Variants in SLC30A8 observed in about 807,000 individuals in gnomAD.
SLC30A8 encodes the protein proton-coupled zinc antiporter SLC30A8.
Under a neutral mutation model 36.9 loss-of-function variants are expected in SLC30A8, and 27 were observed. The observed-to-expected ratio is 0.73, with a 90% confidence interval of 0.54 to 1.01. The LOEUF (loss-of-function observed/expected upper bound fraction) is 1.01, where lower values mean the gene tolerates loss of function less well. Ranked by LOEUF, SLC30A8 falls within the 50% of genes least tolerant of loss-of-function variation. The pLI is 0.00. For synonymous variants in SLC30A8, 164 were observed against 172.4 expected (o/e 0.95, Z 0.38); for missense variants, 439 against 452.0 (o/e 0.97, Z 0.26).
At chr8:117,141,714 C>A (rs947540451) in intron 1 of SLC30A8, among the ~76,000 whole-genome samples, 24 of 152,120 alleles carry the variant, frequency 1.6e-4, no homozygotes, top group Non-Finnish European at 3.2e-4. Flanking sequence ...TGAAAACTTT[C>A]CCCTAAAATC....
chr8:117,067,498 A>G (rs1270040101), intron 2 of SLC30A8, among the ~76,000 whole-genome samples: 1 of 152,068 alleles, frequency 6.6e-6, no homozygotes, highest in Non-Finnish European at 1.5e-5. Context: ...CTTCTAATTC[A>G]ACTCTTCAAA....
intron 2 of SLC30A8, among the ~76,000 whole-genome samples, chr8:117,058,962 C>A (rs13258054): frequency 0.13 from 20,161 of 152,168 alleles, 1,452 homozygotes; most frequent in Non-Finnish European, 0.16. Context: ...CTGATCCCTC[C>A]ACCATACCTT....
At chr8:116,974,607 A>G (rs1356836147) in intron 1 of SLC30A8, among the ~76,000 whole-genome samples, 3 of 152,220 alleles carry the variant, frequency 2.0e-5, no homozygotes, top group Non-Finnish European at 4.4e-5. Flanking sequence ...AACTAGTTCA[A>G]CCATTGTGGA....
chr8:117,128,107 C>T (rs1460885990), intron 2 of SLC30A8, among the ~76,000 whole-genome samples: 6 of 152,008 alleles, frequency 3.9e-5, no homozygotes, highest in Non-Finnish European at 8.8e-5. Context: ...GAGCAATTAC[C>T]TGAGTTATCT....
At chr8:117,043,630 T>A (rs935007031) in intron 2 of SLC30A8, among the ~76,000 whole-genome samples, 5 of 152,220 alleles carry the variant, frequency 3.3e-5, no homozygotes. Context: ...CCAGACACTT[T>A]TCCCCCATAG....
chr8:117,049,961 C>T (rs537871388), intron 2 of SLC30A8, among the ~76,000 whole-genome samples: 3 of 152,222 alleles, frequency 2.0e-5, no homozygotes, highest in East Asian at 1.9e-4. Flanking sequence ...TAAAGTGACC[C>T]GGGTATGTGT....
At chr8:117,111,998 G>T (rs1165507735) in intron 2 of SLC30A8, among the ~76,000 whole-genome samples, 1 of 152,076 alleles carries the variant, frequency 6.6e-6, no homozygotes, top group Non-Finnish European at 1.5e-5. Context: ...TAAGAAGAAG[G>T]CTGCAGGGAC....
At chr8:117,168,851 G>T (rs10955804) in intron 6 of SLC30A8, among the ~76,000 whole-genome samples, 3 of 151,872 alleles carry the variant, frequency 2.0e-5, no homozygotes, top group Admixed American at 2.0e-4. Flanking sequence ...GATATCCCTG[G>T]TTCTGCCACT....
chr8:117,060,305 G>A (rs1409933003), intron 2 of SLC30A8, among the ~76,000 whole-genome samples: 1 of 152,078 alleles, frequency 6.6e-6, no homozygotes, highest in East Asian at 1.9e-4. Flanking sequence ...GCAAGCAAGC[G>A]GGTGGGAGCA....
intron 1 of SLC30A8, among the ~76,000 whole-genome samples, chr8:117,017,589 A>C (rs548920163): frequency 1.3e-5 from 2 of 152,124 alleles, no homozygotes; most frequent in South Asian, 4.1e-4. Flanking sequence ...AGGGCCCTGC[A>C]CTTGTGGAAT....
chr8:117,121,409 C>T (rs1164220894), intron 2 of SLC30A8, among the ~76,000 whole-genome samples: 1 of 151,940 alleles, frequency 6.6e-6, no homozygotes, highest in East Asian at 1.9e-4. Flanking sequence ...CTATTTCTCA[C>T]AGTTCTAGAG....
At chr8:117,130,913 C>A (rs73317613), upstream of SLC30A8, among the ~76,000 whole-genome samples, 353 of 152,006 alleles carry the variant, frequency 2.3e-3, 1 homozygote, top group African/African-American at 8.0e-3. Context: ...ATTTCTCCCC[C>A]CAAAAATAAT....
In SLC30A8 at chr8:117,147,420, A is replaced by T. The variant is rs1821948823; in HGVS notation, c.271+267A>T. On this transcript the variant is annotated intron_variant, in intron 2 of 7. Coordinates refer to ENST00000456015, the MANE Select transcript of SLC30A8 (RefSeq NM_173851.3). ...TCATAGCTCACAGGTTTTATTTTTT[A>T]AACATAACTGAGAGCATACTGAATG... The T allele has an allele frequency of 1.8e-5, 7 of 395,018 alleles. No individual in the cohort carries two copies. In the South Asian group the frequency reaches 2.1e-4, roughly 12 times the overall value. The allele number at this position is 395,018 out of a possible 1,614,324, so 24.5% of individuals were successfully genotyped here. A position where few individuals can be genotyped will look rare whatever the true frequency, so the allele number is the denominator to read the frequency against.
intron 2 of SLC30A8, among the ~76,000 whole-genome samples, chr8:117,045,665 C>T (rs1817528158): frequency 6.6e-6 from 1 of 152,172 alleles, no homozygotes; most frequent in African/African-American, 2.4e-5. Flanking sequence ...GGGCTGACTC[C>T]AGGTGACTGC....
At chr8:117,155,752 C>T (rs1046568379) in intron 3 of SLC30A8, among the ~76,000 whole-genome samples, 1 of 152,158 alleles carries the variant, frequency 6.6e-6, no homozygotes, top group Non-Finnish European at 1.5e-5. Context: ...AATCGGGCGT[C>T]AGTGGGGTTG....
At chr8:117,042,211 C>T (rs987669274) in intron 2 of SLC30A8, among the ~76,000 whole-genome samples, 14 of 152,208 alleles carry the variant, frequency 9.2e-5, no homozygotes, top group Admixed American at 2.0e-4. Context: ...TGATGTCACC[C>T]TGATATCAGC....
intron 2 of SLC30A8, 52 bp from the exon 3 acceptor site, chr8:117,152,892 A>G: frequency 7.2e-7 from 1 of 1,392,698 alleles, no homozygotes; most frequent in Non-Finnish European, 9.6e-7. Flanking sequence ...ATGTCTGTGA[A>G]TCTAGCTGCA....
intron 2 of SLC30A8, among the ~76,000 whole-genome samples, chr8:117,124,004 A>T (rs1820795155): frequency 6.7e-6 from 1 of 149,742 alleles, no homozygotes; most frequent in Admixed American, 6.6e-5. Flanking sequence ...CAAGTGCCTG[A>T]TTAATTTCAA....
At chr8:117,076,675 C>T (rs1472869006) in intron 2 of SLC30A8, among the ~76,000 whole-genome samples, 1 of 152,100 alleles carries the variant, frequency 6.6e-6, no homozygotes, top group Non-Finnish European at 1.5e-5. Context: ...TTTCTTCTTT[C>T]AACTAAACTA....
Sources: allele counts gnomAD v4.1 joint callset (sites outside exome capture counted in the v4.1 genomes callset), GRCh38; gene constraint gnomAD v4.1.1; transcripts MANE v1.5; gene names NCBI Gene and HGNC (gene_info 2026-07-23, HGNC 2026-07-21).